Variants in SOX6 observed in about 807,000 individuals in gnomAD.
SOX6 encodes SRY-box transcription factor 6, also known as transcription factor SOX-6.
A neutral mutation model predicts 97.8 loss-of-function variants in SOX6; 11 were observed. The observed-to-expected ratio is 0.11, with a 90% CI of 0.07 to 0.19. The LOEUF is 0.19. Among genes scored for constraint, SOX6 ranks in the 10% least tolerant of loss-of-function variants. The pLI is 1.00. For missense variants in SOX6, 810 were observed against 1,039.5 expected (o/e 0.78, Z 3.04); for synonymous variants, 360 against 371.4 (o/e 0.97, Z 0.35).
intron 4 of SOX6, among the ~76,000 whole-genome samples, chr11:16,533,458 C>T (rs954976131): frequency 2.0e-5 from 3 of 151,864 alleles, no homozygotes; most frequent in African/African-American, 4.8e-5. Context: ...ATTCTGAAGA[C>T]GTTAAAGGTG....
chr11:16,277,370 G>A (rs1854432208), intron 3 of SOX6, among the ~76,000 whole-genome samples: 1 of 151,998 alleles, frequency 6.6e-6, no homozygotes, highest in African/African-American at 2.4e-5. Context: ...CTTCAAGCAG[G>A]AAGACAGCCC....
intron 4 of SOX6, among the ~76,000 whole-genome samples, chr11:16,223,374 C>G (rs1565030359): frequency 1.3e-5 from 2 of 151,932 alleles, no homozygotes; most frequent in Non-Finnish European, 2.9e-5. Flanking sequence ...CTAAATTTAC[C>G]ACCCCAAAAT....
intron 4 of SOX6, among the ~76,000 whole-genome samples, chr11:16,498,572 T>C (rs1174949704): frequency 6.6e-6 from 1 of 152,088 alleles, no homozygotes; most frequent in African/African-American, 2.4e-5. Context: ...CCATCTCACG[T>C]GCAGAGACAC....
At chr11:16,139,951 T>TTTTATATA (rs1554935182) in intron 6 of SOX6, among the ~76,000 whole-genome samples, 11 of 124,716 alleles carry the variant, frequency 8.8e-5, no homozygotes, top group East Asian at 3.5e-4. Context: ...GGCTCATATA[T>TTTTATATA]TATATATATA....
intron 1 of SOX6, among the ~76,000 whole-genome samples, chr11:16,407,040 T>C (rs1297178500): frequency 1.3e-5 from 2 of 152,140 alleles, no homozygotes; most frequent in Non-Finnish European, 2.9e-5. Flanking sequence ...TGTGAATCAG[T>C]TATACCTTAA....
chr11:16,613,945 CG>C lies in SOX6; in HGVS notation n.430-1686del, dbSNP rs1848434702. ...GCCTGAAAGAGAAGCAAAGGGAGGG[CG>C]CCCTGCGGGCGGGCGGGCCACGCTA... is the stretch of plus-strand genomic sequence containing the variant. On this transcript the variant is annotated intron_variant and non_coding_transcript_variant, in intron 3 of 5. Coordinates refer to the SOX6 transcript ENST00000524520. The surrounding 1 kb of genome is among the most constrained non-coding windows in gnomAD (Gnocchi z 4.6). Among the ~76,000 whole-genome samples, 1 of 152,162 alleles carries C rather than the reference CG, an allele frequency of 6.6e-6. No homozygotes were observed. Among genetic ancestry groups the C allele is most frequent in the Non-Finnish European group, 1.5e-5 (1 of 68,028 alleles).
intron 1 of SOX6, among the ~76,000 whole-genome samples, chr11:16,448,520 G>A (rs1472606952): frequency 6.6e-6 from 1 of 152,096 alleles, no homozygotes; most frequent in Admixed American, 6.5e-5. Flanking sequence ...CAAAATTGCT[G>A]AGTTTCAAAA....
At chr11:16,358,128 A>C (rs567438795), upstream of SOX6, among the ~76,000 whole-genome samples, 367 of 152,264 alleles carry the variant, frequency 2.4e-3, 1 homozygote, top group Non-Finnish European at 4.1e-3. Context: ...TAAAAAGCTG[A>C]TTTACTCCCC....
intron 4 of SOX6, among the ~76,000 whole-genome samples, chr11:16,568,772 T>C (rs887844578): frequency 3.9e-5 from 6 of 152,180 alleles, no homozygotes; most frequent in Non-Finnish European, 8.8e-5. Context: ...CATTACTCCA[T>C]AAAAATATTC....
chr11:16,259,389 C>A (rs948940711), intron 3 of SOX6, among the ~76,000 whole-genome samples: 6 of 151,866 alleles, frequency 4.0e-5, no homozygotes, highest in African/African-American at 1.5e-4. Context: ...ATTGCAATCC[C>A]AATTAAAATC....
At chr11:16,153,758 A>T (rs1376976042) in intron 6 of SOX6, among the ~76,000 whole-genome samples, 1 of 152,186 alleles carries the variant, frequency 6.6e-6, no homozygotes, top group African/African-American at 2.4e-5. Context: ...CTAGTGAGAC[A>T]GATATGTGAT....
At chr11:16,023,648 A>T (rs888952631) in intron 12 of SOX6, among the ~76,000 whole-genome samples, 29 of 152,268 alleles carry the variant, frequency 1.9e-4, no homozygotes, top group African/African-American at 6.7e-4. Flanking sequence ...AACCATCTCC[A>T]CAAAAAATAT....
chr11:16,103,394 G>A (rs1036394010), intron 7 of SOX6, among the ~76,000 whole-genome samples: 2 of 151,848 alleles, frequency 1.3e-5, no homozygotes, highest in Non-Finnish European at 2.9e-5. Flanking sequence ...TGGATGTGGT[G>A]AAAAGGGAAC....
intron 3 of SOX6, among the ~76,000 whole-genome samples, chr11:16,308,560 A>G (rs575392162): frequency 2.0e-5 from 3 of 152,284 alleles, no homozygotes; most frequent in South Asian, 2.1e-4. Context: ...GTTTCCAGCT[A>G]ATGTCGACTG....
intron 4 of SOX6, among the ~76,000 whole-genome samples, chr11:16,521,290 A>G (rs1208135910): frequency 1.3e-5 from 2 of 152,154 alleles, no homozygotes; most frequent in Non-Finnish European, 2.9e-5. Context: ...AAACTTCCAG[A>G]GGAACGATCA....
At chr11:16,125,426 C>G (rs1201733556) in intron 6 of SOX6, among the ~76,000 whole-genome samples, 1 of 151,990 alleles carries the variant, frequency 6.6e-6, no homozygotes, top group Non-Finnish European at 1.5e-5. Flanking sequence ...TCATAAAGAT[C>G]ATAAAAGTAC....
chr11:16,432,679 A>ATCT (rs1859293823), intron 1 of SOX6, among the ~76,000 whole-genome samples: 1 of 152,030 alleles, frequency 6.6e-6, no homozygotes, highest in Non-Finnish European at 1.5e-5. Context: ...ATTCCTGGGC[A>ATCT]TCTAGAGATT....
chr11:16,034,529 A>G (rs1276907960), intron 12 of SOX6, among the ~76,000 whole-genome samples: 2 of 152,228 alleles, frequency 1.3e-5, no homozygotes, highest in Non-Finnish European at 2.9e-5. Context: ...GATTTAAGAC[A>G]ATGCTGAGAG....
chr11:16,171,096 T>G (rs968315337), intron 6 of SOX6, among the ~76,000 whole-genome samples: 5 of 152,090 alleles, frequency 3.3e-5, no homozygotes, highest in Non-Finnish European at 5.9e-5. Context: ...AGAGCAAACT[T>G]ACCAAGGAGT....
Sources: gnomAD v4.1 joint callset for allele counts (sites outside exome capture counted in the v4.1 genomes callset) on GRCh38, gnomAD v4.1.1 for gene constraint, Gnocchi (gnomAD v3.1) non-coding constraint, MANE v1.5 for transcripts, NCBI Gene and HGNC (gene_info 2026-07-23, HGNC 2026-07-21) for gene names.